Variants in GRIP1 observed in about 807,000 individuals in gnomAD.
GRIP1 encodes the protein glutamate receptor interacting protein 1, also known as glutamate receptor-interacting protein 1.
Under a neutral mutation model 129.9 loss-of-function variants are expected in GRIP1, and 45 were observed. That is an observed-to-expected ratio of 0.35 (90% CI 0.27 to 0.44). The LOEUF is 0.44. GRIP1 is among the 20% of genes least tolerant of loss of function. The probability of loss-of-function intolerance (pLI) is 1.00; values close to 1 mark genes in which losing one functional copy is unlikely to be tolerated. For missense variants in GRIP1, 1,196 were observed against 1,396.8 expected, an observed-to-expected ratio of 0.86 and a Z score of 2.29; for synonymous variants, 530 against 520.8, an observed-to-expected ratio of 1.02 and a Z score of -0.24.
At chr12:67,001,143 C>G (rs750872578) in intron 1 of GRIP1, among the ~76,000 whole-genome samples, 2 of 152,166 alleles carry the variant, frequency 1.3e-5, no homozygotes, top group Non-Finnish European at 2.9e-5. Flanking sequence ...CCCTGTCTTA[C>G]TATACTTGTT....
rs770535788 is a variant in GRIP1 at position 66,371,711 on chromosome 12, G to A, written c.2995C>T (p.Pro999Ser). Residue 999 changes from proline (P) to serine (S), a missense_variant, in exon 23 of 25, where the codon CCT (proline) becomes TCT (serine). By Grantham distance (74) the Pro-to-Ser change is moderately conservative. Transcript: ENST00000359742. ...TTACTGACCTTGTGCAGCTCCACAG[G>A]AGTTGGAGACATGATCTCCTTTATT... ...QEIKEIMSPT[P>S]VELHKVTLYK... 3 of 1,605,698 alleles carry A rather than the reference G, an allele frequency of 1.9e-6. No individual in the cohort carries two copies. The highest frequency in any genetic ancestry group is 1.3e-5 in the African/African-American group (1 of 74,776).
At chr12:66,519,425 T>C (rs2060938190) in intron 5 of GRIP1, among the ~76,000 whole-genome samples, 1 of 152,202 alleles carries the variant, frequency 6.6e-6, no homozygotes, top group African/African-American at 2.4e-5. Flanking sequence ...AAGGTGATCA[T>C]AAAGGATAGG....
At chr12:66,620,522 C>T (rs537115760) in intron 1 of GRIP1, among the ~76,000 whole-genome samples, 3 of 152,100 alleles carry the variant, frequency 2.0e-5, no homozygotes, top group Non-Finnish European at 4.4e-5. Flanking sequence ...ACTTCATTAT[C>T]AGGCTGATGT....
chr12:66,853,766 C>G (rs1237426836), intron 1 of GRIP1, among the ~76,000 whole-genome samples: 1 of 151,998 alleles, frequency 6.6e-6, no homozygotes, highest in Non-Finnish European at 1.5e-5. Context: ...CGAGTAAACA[C>G]TATATTGAGG....
At chr12:66,758,016 T>A (rs2037350958) in intron 1 of GRIP1, among the ~76,000 whole-genome samples, 1 of 152,062 alleles carries the variant, frequency 6.6e-6, no homozygotes, top group South Asian at 2.1e-4. Flanking sequence ...CCCATATATT[T>A]TACTATAAAA....
rs547818808 is a variant in GRIP1 at position 66,657,207 on chromosome 12, A to T, written c.55+21643T>A. Among the ~76,000 whole-genome samples the T allele has an allele frequency of 1.4e-3, 209 of 152,300 alleles. 1 individual carries two copies. Among genetic ancestry groups the T allele is most frequent in the Non-Finnish European group, 2.0e-3 (137 of 68,026 alleles). The stretch of plus-strand genomic sequence containing the variant: ...CTAAATGACAATTTATCAATCAAGG[A>T]TACTCATCAGCAAGGGTCCTGAAAG... On this transcript the variant is annotated intron_variant, in intron 1 of 24. Transcript: ENST00000359742.
chr12:67,026,954 G>A (rs1018622879), intron 1 of GRIP1, among the ~76,000 whole-genome samples: 1 of 152,024 alleles, frequency 6.6e-6, no homozygotes, highest in African/African-American at 2.4e-5. Flanking sequence ...ACTGGGTATC[G>A]CTCTGTCATT....
At chr12:66,385,197 A>G (rs1347772476) in intron 19 of GRIP1, among the ~76,000 whole-genome samples, 1 of 152,226 alleles carries the variant, frequency 6.6e-6, no homozygotes, top group Admixed American at 6.5e-5. Flanking sequence ...GATAAAATAA[A>G]TAAGTTGAAA....
chr12:66,552,353 A>T (rs2062170101), intron 2 of GRIP1, among the ~76,000 whole-genome samples: 1 of 152,172 alleles, frequency 6.6e-6, no homozygotes, highest in Non-Finnish European at 1.5e-5. Context: ...CTGAATAGAG[A>T]GATTAAAATG....
intron 1 of GRIP1, among the ~76,000 whole-genome samples, chr12:66,691,535 G>C (rs1592747820): frequency 6.6e-6 from 1 of 152,078 alleles, no homozygotes; most frequent in African/African-American, 2.4e-5. Flanking sequence ...ATCTCTGAAT[G>C]GTTCTTAATG....
rs758918631 is a variant in GRIP1 at position 66,456,325 on chromosome 12, C to A, written c.1060G>T (p.Asp354Tyr). The change falls in exon 10 of 25, where the codon GAC becomes TAC. Residue 354 changes from aspartate (D) to tyrosine (Y), a missense_variant. Asp to Tyr is a radical substitution (Grantham distance 160). Transcript: ENST00000359742. The stretch of plus-strand genomic sequence containing the variant: ...CAGGAATCCCAGGTAAGTTGCCTGT[C>A]GCTCCTCTGAATTTTCACTGCCCAT... ...GPDHVKIQRS[D>Y]RQLTWDSWAS... 7 of 1,288,854 alleles carry A rather than the reference C, an allele frequency of 5.4e-6. No homozygotes were observed. The highest frequency in any genetic ancestry group is 7.1e-6 in the Non-Finnish European group (7 of 988,240). 79.8% of individuals were successfully genotyped at this position (1,288,854 alleles called of 1,614,324 possible). A position where few individuals can be genotyped will look rare whatever the true frequency, so the allele number is the denominator to read the frequency against.
At chr12:66,582,455 G>A (rs1001274357) in intron 2 of GRIP1, among the ~76,000 whole-genome samples, 2 of 149,548 alleles carry the variant, frequency 1.3e-5, no homozygotes, top group Non-Finnish European at 1.5e-5. Flanking sequence ...AAGAAAAGAG[G>A]AAGTCAAATT....
chr12:67,023,065 A>G (rs562763070), intron 1 of GRIP1, among the ~76,000 whole-genome samples: 1 of 152,294 alleles, frequency 6.6e-6, no homozygotes, highest in South Asian at 2.1e-4. Flanking sequence ...AGGATCAGAT[A>G]TATGTTTCAC....
At chr12:66,878,622 T>C (rs1455182441) in intron 1 of GRIP1, among the ~76,000 whole-genome samples, 1 of 152,022 alleles carries the variant, frequency 6.6e-6, no homozygotes, top group African/African-American at 2.4e-5. Context: ...ATTAAACCAA[T>C]GCTACAAAGC....
intron 1 of GRIP1, among the ~76,000 whole-genome samples, chr12:66,766,235 C>T (rs757860570): frequency 1.9e-4 from 29 of 152,312 alleles, no homozygotes; most frequent in Admixed American, 5.9e-4. Flanking sequence ...TTTCATATAT[C>T]GACCAGGAAT....
intron 2 of GRIP1, among the ~76,000 whole-genome samples, chr12:66,585,586 A>G (rs1412738280): frequency 2.1e-5 from 3 of 143,872 alleles, no homozygotes; most frequent in Non-Finnish European, 4.6e-5. Flanking sequence ...TCTTTATAGC[A>G]GCATGATTTA....
At chr12:67,062,696 C>A (rs1415649563) in intron 1 of GRIP1, among the ~76,000 whole-genome samples, 1 of 152,148 alleles carries the variant, frequency 6.6e-6, no homozygotes, top group African/African-American at 2.4e-5. Flanking sequence ...ATTTTCTCAT[C>A]CCATCATGGC....
upstream of GRIP1, chr12:67,069,203 G>T: frequency 1.4e-6 from 1 of 711,768 alleles, no homozygotes; most frequent in Non-Finnish European, 1.7e-6. Context: ...CTCTAGGGCA[G>T]CCGCGCCGGG....
chr12:66,623,083 T>C (rs1318901027), intron 1 of GRIP1, among the ~76,000 whole-genome samples: 1 of 152,130 alleles, frequency 6.6e-6, no homozygotes, highest in Admixed American at 6.6e-5. Context: ...AGATGCTCAG[T>C]AGGTAACTGC....
Sources: gnomAD v4.1 joint callset for allele counts (sites outside exome capture counted in the v4.1 genomes callset) on GRCh38, gnomAD v4.1.1 for gene constraint, MANE v1.5 for transcripts, NCBI Gene and HGNC (gene_info 2026-07-23, HGNC 2026-07-21) for gene names.